Variants in ROBO2 observed in about 807,000 individuals in gnomAD.
ROBO2 encodes the protein roundabout guidance receptor 2, also known as roundabout homolog 2.
ROBO2 carries 53 observed loss-of-function variants against 160.8 expected under a neutral mutation model. The ratio of observed to expected loss-of-function variants is 0.33; its 90% CI spans 0.26 to 0.41. ROBO2 has a LOEUF of 0.41. ROBO2 is among the 10% of genes least tolerant of loss of function. ROBO2 has a pLI of 1.00. For synonymous variants in ROBO2, 664 were observed against 611.7 expected (o/e 1.09, Z -1.26); for missense variants, 1,577 against 1,722.4 (o/e 0.92, Z 1.49).
At chr3:76,674,689 A>G (rs1394938807) in intron 2 of ROBO2, among the ~76,000 whole-genome samples, 2 of 151,896 alleles carry the variant, frequency 1.3e-5, no homozygotes, top group African/African-American at 4.8e-5. Context: ...TCAAACTTTA[A>G]TGTGTTTAAA....
At chr3:76,850,791 C>G (rs2069267032) in intron 2 of ROBO2, among the ~76,000 whole-genome samples, 1 of 152,094 alleles carries the variant, frequency 6.6e-6, no homozygotes, top group Non-Finnish European at 1.5e-5. Flanking sequence ...GGGGAAAAAT[C>G]TTGAGAACTG....
intron 2 of ROBO2, among the ~76,000 whole-genome samples, chr3:76,251,313 G>T (rs541908208): frequency 5.7e-4 from 86 of 152,154 alleles, no homozygotes; most frequent in African/African-American, 1.9e-3. Context: ...TGAAAGAGAC[G>T]TGAAATGAAA....
At chr3:77,327,277 G>GA (rs1352070815) in intron 2 of ROBO2, among the ~76,000 whole-genome samples, 2 of 152,096 alleles carry the variant, frequency 1.3e-5, no homozygotes, top group African/African-American at 2.4e-5. Flanking sequence ...ATATCGGGAA[G>GA]AAAAAACGCC....
intron 2 of ROBO2, among the ~76,000 whole-genome samples, chr3:77,372,136 G>A (rs1412432847): frequency 1.3e-5 from 2 of 151,972 alleles, no homozygotes; most frequent in African/African-American, 4.8e-5. Flanking sequence ...AAAAGGGGGA[G>A]AAAGGGAAAG....
At chr3:76,748,719 A>G (rs983403823) in intron 2 of ROBO2, among the ~76,000 whole-genome samples, 1 of 151,928 alleles carries the variant, frequency 6.6e-6, no homozygotes, top group African/African-American at 2.4e-5. Context: ...GGCATGAGAA[A>G]TCATGCTGGT....
intron 2 of ROBO2, among the ~76,000 whole-genome samples, chr3:76,173,533 C>A (rs2073119793): frequency 6.6e-6 from 1 of 151,720 alleles, no homozygotes; most frequent in South Asian, 2.1e-4. Context: ...CCCTGACAGG[C>A]CCCAATGTGC....
intron 2 of ROBO2, among the ~76,000 whole-genome samples, chr3:76,608,919 C>T (rs564972702): frequency 6.6e-6 from 1 of 152,148 alleles, no homozygotes; most frequent in East Asian, 1.9e-4. Context: ...TTTCCCTCAC[C>T]TCCTCCCAAC....
chr3:77,570,556 G>T (rs2093613030), intron 13 of ROBO2, among the ~76,000 whole-genome samples: 1 of 151,824 alleles, frequency 6.6e-6, no homozygotes, highest in African/African-American at 2.4e-5. Context: ...TTTAATAGAA[G>T]AAAGAATTCA....
intron 22 of ROBO2, among the ~76,000 whole-genome samples, chr3:77,621,733 G>A (rs974697095): frequency 1.3e-5 from 2 of 152,094 alleles, no homozygotes; most frequent in Non-Finnish European, 2.9e-5. Flanking sequence ...GTGTGGGGAG[G>A]AAGCCTTCTA....
At chr3:77,453,401 T>C (rs563613955) in intron 2 of ROBO2, among the ~76,000 whole-genome samples, 1 of 151,890 alleles carries the variant, frequency 6.6e-6, no homozygotes, top group Admixed American at 6.6e-5. Context: ...TCAATCTCAA[T>C]GGCTAGTCAT....
At chr3:77,406,239 TG>T (rs2153516681) in intron 2 of ROBO2, among the ~76,000 whole-genome samples, 1 of 152,228 alleles carries the variant, frequency 6.6e-6, no homozygotes, top group South Asian at 2.1e-4. Context: ...GAGACGAGCA[TG>T]GGGGAAACCA....
At chr3:77,200,544 G>C (rs1325435406) in intron 2 of ROBO2, among the ~76,000 whole-genome samples, 1 of 151,612 alleles carries the variant, frequency 6.6e-6, no homozygotes, top group Admixed American at 6.6e-5. Context: ...TTATGTGCAG[G>C]CTGAGGGTCC....
At chr3:76,518,046 A>G (rs1309626704) in intron 2 of ROBO2, among the ~76,000 whole-genome samples, 1 of 152,160 alleles carries the variant, frequency 6.6e-6, no homozygotes, top group African/African-American at 2.4e-5. Flanking sequence ...GTAAAGAGAC[A>G]TTGGCATTAG....
intron 2 of ROBO2, among the ~76,000 whole-genome samples, chr3:76,229,231 TCA>T (rs1416224076): frequency 3.3e-5 from 5 of 152,186 alleles, no homozygotes; most frequent in Non-Finnish European, 7.4e-5. Flanking sequence ...TATCTTTATC[TCA>T]GTGTTGCAAA....
At chr3:76,979,412 G>T (rs910667284) in intron 2 of ROBO2, among the ~76,000 whole-genome samples, 15 of 151,888 alleles carry the variant, frequency 9.9e-5, no homozygotes, top group African/African-American at 3.4e-4. Context: ...ATTTCACATT[G>T]TATGACCATG....
At chr3:76,992,369 A>ATATATATATATATATATATATATT (rs1491181246) in intron 2 of ROBO2, among the ~76,000 whole-genome samples, 1 of 30,238 alleles carries the variant, frequency 3.3e-5, no homozygotes, top group Non-Finnish European at 5.7e-5. Context: ...ATATATATAT[A>ATATATATATATATATATATATATT]AATTTAGCTT....
intron 2 of ROBO2, among the ~76,000 whole-genome samples, chr3:77,335,305 G>A (rs564617833): frequency 2.0e-5 from 3 of 152,240 alleles, no homozygotes; most frequent in Non-Finnish European, 2.9e-5. Flanking sequence ...TACTCCGGAG[G>A]CTGAGGCACG....
chr3:76,222,106 C>T (rs1248549501), intron 2 of ROBO2, among the ~76,000 whole-genome samples: 1 of 152,118 alleles, frequency 6.6e-6, no homozygotes, highest in Non-Finnish European at 1.5e-5. Context: ...ACCTATGTTG[C>T]TGAGTGCATG....
intron 2 of ROBO2, among the ~76,000 whole-genome samples, chr3:76,905,429 A>T (rs918610595): frequency 7.9e-5 from 12 of 152,176 alleles, no homozygotes; most frequent in Non-Finnish European, 2.9e-5. Flanking sequence ...AAAAATATAT[A>T]TTTTTAACAT....
Sources: allele counts gnomAD v4.1 joint callset (sites outside exome capture counted in the v4.1 genomes callset), GRCh38; gene constraint gnomAD v4.1.1; transcripts MANE v1.5; gene names NCBI Gene and HGNC (gene_info 2026-07-23, HGNC 2026-07-21).